The following AUTS2 variants were observed in gnomAD, a reference collection of about 807,000 sequenced individuals.
AUTS2 encodes the protein autism susceptibility gene 2 protein.
In AUTS2, 17 loss-of-function variants were observed where a neutral mutation model predicts 112.4. The ratio of observed to expected loss-of-function variants is 0.15; its 90% CI spans 0.10 to 0.23. The LOEUF (loss-of-function observed/expected upper bound fraction) is 0.23, where lower values mean the gene tolerates loss of function less well. AUTS2 is among the 10% of genes least tolerant of loss of function. The probability of loss-of-function intolerance (pLI) is 1.00; values close to 1 mark genes in which losing one functional copy is unlikely to be tolerated. For missense variants in AUTS2, 1,510 were observed against 1,701.6 expected (o/e 0.89, Z 1.98); for synonymous variants, 751 against 702.7 (o/e 1.07, Z -1.09).
chr7:69,927,155 T>G (rs181992780), intron 2 of AUTS2, among the ~76,000 whole-genome samples: 63 of 146,806 alleles, frequency 4.3e-4, no homozygotes, highest in African/African-American at 1.5e-3. Context: ...GTCTCAAACT[T>G]AACATTTGAA....
intron 6 of AUTS2, among the ~76,000 whole-genome samples, chr7:70,745,961 G>A (rs1372218977): frequency 6.6e-6 from 1 of 151,982 alleles, no homozygotes; most frequent in Non-Finnish European, 1.5e-5. Context: ...CTTTTGAATT[G>A]CAGTTATAAA....
At chr7:69,725,415 A>T (rs191414685) in intron 1 of AUTS2, among the ~76,000 whole-genome samples, 3 of 152,296 alleles carry the variant, frequency 2.0e-5, no homozygotes, top group African/African-American at 7.2e-5. Context: ...CACATTAGGT[A>T]CACAGAAGAG....
At chr7:70,658,227 G>C (rs1031248510) in intron 5 of AUTS2, among the ~76,000 whole-genome samples, 1 of 152,198 alleles carries the variant, frequency 6.6e-6, no homozygotes, top group African/African-American at 2.4e-5. Context: ...GTACTGGCCA[G>C]AATGTCTCAG....
At chr7:70,260,756 T>TC in intron 4 of AUTS2, among the ~76,000 whole-genome samples, 1 of 147,406 alleles carries the variant, frequency 6.8e-6, no homozygotes, top group East Asian at 2.0e-4. Context: ...TTTTTACACT[T>TC]TTTTTTTTTT....
intron 5 of AUTS2, among the ~76,000 whole-genome samples, chr7:70,682,465 T>C (rs1434508183): frequency 6.6e-6 from 1 of 152,242 alleles, no homozygotes; most frequent in Non-Finnish European, 1.5e-5. Flanking sequence ...TGATTTTTCT[T>C]ATTTCAAGTT....
intron 4 of AUTS2, among the ~76,000 whole-genome samples, chr7:70,187,389 C>A (rs1034079708): frequency 5.3e-5 from 8 of 151,962 alleles, no homozygotes; most frequent in Admixed American, 3.3e-4. Flanking sequence ...AAGATATATA[C>A]CTATTAATTA....
rs918357738 is a variant in AUTS2 at position 70,462,889 on chromosome 7, C to T, written c.690+27108C>T. Among the ~76,000 whole-genome samples the T allele has an allele frequency of 3.3e-5, 5 of 151,772 alleles. No homozygotes were observed. In the East Asian group the frequency reaches 5.8e-4, roughly 18 times the overall value. Reference sequence around the variant, plus strand: ...GGGAGAATTGCTTGAACCCGGGAAGCGGAGATTGCAGTGACCCGAGATTGC... The same window carrying T: ...GGGAGAATTGCTTGAACCCGGGAAGTGGAGATTGCAGTGACCCGAGATTGC... On this transcript the variant is annotated intron_variant, in intron 5 of 18. Coordinates refer to ENST00000342771, the MANE Select transcript of AUTS2 (RefSeq NM_015570.4).
chr7:70,471,797 G>A (rs1262445027), intron 5 of AUTS2, among the ~76,000 whole-genome samples: 1 of 152,126 alleles, frequency 6.6e-6, no homozygotes, highest in Admixed American at 6.5e-5. Flanking sequence ...GTGAGATGTG[G>A]ATCCGGTGGG....
At chr7:69,635,240 T>C (rs1794459913) in intron 1 of AUTS2, among the ~76,000 whole-genome samples, 1 of 152,224 alleles carries the variant, frequency 6.6e-6, no homozygotes, top group Non-Finnish European at 1.5e-5. Flanking sequence ...TCATTTGGGC[T>C]ATACAGGTTT....
rs376637860 is a variant in AUTS2 at position 70,787,906 on chromosome 7, T to G, written c.2531+475T>G. ...TATTTTTCTCAAATTTTGTTCAAAC[T>G]CAAAGCCTGGGGCTCACAGATGACT... On this transcript the variant is annotated intron_variant, in intron 18 of 18. Transcript: ENST00000342771. 2.2e-4 allele frequency among the ~76,000 whole-genome samples: 34 copies of G among 152,336 alleles called. 1 individual carries two copies. The South Asian group carries it at 7.0e-3, about 32-fold the overall frequency.
chr7:70,138,887 A>G (rs1334566799), intron 4 of AUTS2, among the ~76,000 whole-genome samples: 1 of 152,178 alleles, frequency 6.6e-6, no homozygotes, highest in South Asian at 2.1e-4. Flanking sequence ...CATAGTGGGA[A>G]TATTCTTTGC....
At chr7:69,960,980 G>A (rs1324617875) in intron 2 of AUTS2, among the ~76,000 whole-genome samples, 1 of 152,066 alleles carries the variant, frequency 6.6e-6, no homozygotes, top group Non-Finnish European at 1.5e-5. Flanking sequence ...CAACGAGACT[G>A]CCTAGGATTT....
At chr7:70,632,807 C>T (rs559583102) in intron 5 of AUTS2, among the ~76,000 whole-genome samples, 4 of 152,176 alleles carry the variant, frequency 2.6e-5, no homozygotes, top group African/African-American at 7.2e-5. Flanking sequence ...TGGCTTTTCC[C>T]GAGCAAACAG....
intron 5 of AUTS2, among the ~76,000 whole-genome samples, chr7:70,634,575 T>C (rs533540645): frequency 6.6e-6 from 1 of 152,248 alleles, no homozygotes; most frequent in South Asian, 2.1e-4. Context: ...ACCTTTGTGA[T>C]TCGGTACATC....
At chr7:70,499,241 T>C (rs1798681099) in intron 5 of AUTS2, among the ~76,000 whole-genome samples, 1 of 152,196 alleles carries the variant, frequency 6.6e-6, no homozygotes, top group Non-Finnish European at 1.5e-5. Context: ...GAATTGGGCC[T>C]GCTGAAGGGA....
intron 4 of AUTS2, among the ~76,000 whole-genome samples, chr7:70,251,057 A>C (rs904091909): frequency 1.3e-5 from 2 of 152,086 alleles, no homozygotes; most frequent in East Asian, 3.9e-4. Flanking sequence ...ATTTCCAGTT[A>C]TAAAATATTT....
chr7:70,636,530 C>G (rs904234291), intron 5 of AUTS2, among the ~76,000 whole-genome samples: 2 of 152,112 alleles, frequency 1.3e-5, no homozygotes, highest in African/African-American at 4.8e-5. Flanking sequence ...TTTGTGGGAC[C>G]TTAGAAAAAA....
intron 5 of AUTS2, among the ~76,000 whole-genome samples, chr7:70,549,567 C>A (rs1800932998): frequency 6.6e-6 from 1 of 152,234 alleles, no homozygotes; most frequent in Non-Finnish European, 1.5e-5. Flanking sequence ...TGGCTCTCAC[C>A]TGTAATCCCA....
At chr7:69,885,452 A>G (rs1352890387) in intron 1 of AUTS2, among the ~76,000 whole-genome samples, 1 of 152,210 alleles carries the variant, frequency 6.6e-6, no homozygotes, top group Non-Finnish European at 1.5e-5. Context: ...TTGACTTAGG[A>G]GGCATAGCCT....
Sources: gnomAD v4.1 joint callset for allele counts (sites outside exome capture counted in the v4.1 genomes callset) on GRCh38, gnomAD v4.1.1 for gene constraint, MANE v1.5 for transcripts, NCBI Gene and HGNC (gene_info 2026-07-23, HGNC 2026-07-21) for gene names.